Variants in DCPS observed in about 807,000 individuals in gnomAD.
The protein encoded by DCPS is decapping enzyme, scavenger, also known as m7GpppX diphosphatase.
In DCPS, 27 loss-of-function variants were observed where a neutral mutation model predicts 34.7. The observed-to-expected ratio is 0.78, with a 90% CI of 0.57 to 1.07. The LOEUF is 1.07. Among genes scored for constraint, DCPS ranks in the 50% least tolerant of loss-of-function variants. DCPS has a pLI of 0.00. For missense variants in DCPS, 464 were observed against 436.9 expected, an observed-to-expected ratio of 1.06 and a Z score of -0.55; for synonymous variants, 185 against 185.7, an observed-to-expected ratio of 1.00 and a Z score of 0.03.
Position 126,327,383 on chromosome 11 carries a change from G to A in DCPS, c.377-4022G>A, listed in dbSNP as rs541569254. Among the ~76,000 whole-genome samples, 10 of 152,346 alleles carry A rather than the reference G, an allele frequency of 6.6e-5. No homozygotes were observed. Among genetic ancestry groups the A allele is most frequent in the East Asian group, 5.8e-4 (3 of 5,192 alleles). On this transcript the variant is annotated intron_variant, in intron 2 of 5. Coordinates refer to ENST00000263579, the MANE Select transcript of DCPS (RefSeq NM_014026.6). The surrounding 1 kb of genome is among the most constrained non-coding windows in gnomAD (Gnocchi z 4.1). ...TGATCAGGAGGCACATGATGTCGGC[G>A]TGCCCAGCAGGGGTGACGGTGACGC...
rs559485598 is a variant in DCPS, at chr11:126,346,460, G to A, written c.*847G>A. Among the ~76,000 whole-genome samples, 1 of 152,376 alleles carries A rather than the reference G, an allele frequency of 6.6e-6. No homozygotes were observed. The highest frequency in any genetic ancestry group is 2.4e-5 in the African/African-American group (1 of 41,590). On this transcript the variant is annotated 3_prime_UTR_variant, in exon 6 of 6. Transcript: ENST00000263579. The surrounding 1 kb of genome is among the most constrained non-coding windows in gnomAD (Gnocchi z 4.1). ...GATGTTCAGAGGATCTTGAGACCAG[G>A]AAGGGACCTCAAAGCGTCAGAGGCT...
Position 126,325,454 on chromosome 11 carries a change from C to T in DCPS, c.377-5951C>T, listed in dbSNP as rs956333135. ...GGGATGGTAAAAAGAGATAAATTCTCATCTTCCTTAATGAGAAGTCAGTAA... is the reference window on the plus strand; with the variant it reads ...GGGATGGTAAAAAGAGATAAATTCTTATCTTCCTTAATGAGAAGTCAGTAA... On this transcript the variant is annotated intron_variant, in intron 2 of 5. Transcript: ENST00000263579. This position sits in a 1 kb window ranked among gnomAD's most constrained non-coding sequence, Gnocchi z 4.3. Among the ~76,000 whole-genome samples, 1 of 152,090 alleles carries T rather than the reference C, an allele frequency of 6.6e-6. No individual in the cohort carries two copies. Among genetic ancestry groups the T allele is most frequent in the Non-Finnish European group, 1.5e-5 (1 of 68,024 alleles).
rs185666508 is a variant in DCPS, at chr11:126,323,074, C to G, written c.377-8331C>G. Among the ~76,000 whole-genome samples, 404 of 152,202 alleles carry G rather than the reference C, an allele frequency of 2.7e-3. No individual in the cohort carries two copies. The highest frequency in any genetic ancestry group is 9.3e-3 in the African/African-American group (388 of 41,532). ...ACTCCTGGGCTCAATAGATTTCCCC[C>G]CTGTTTCAGCCTCCCAAAGTGTTGG... On this transcript the variant is annotated intron_variant, in intron 2 of 5. Transcript: ENST00000263579. The surrounding 1 kb of genome is among the most constrained non-coding windows in gnomAD (Gnocchi z 4.4).
At chr11:126,316,952 G>A (rs990732881) in intron 2 of DCPS, among the ~76,000 whole-genome samples, 2 of 129,392 alleles carry the variant, frequency 1.5e-5, no homozygotes, top group Admixed American at 9.2e-5. Flanking sequence ...CACCATGCCC[G>A]GCCTCTTTTT....
In DCPS at chr11:126,308,997, G is replaced by T. The variant is rs920779948; in HGVS notation, c.376+2253G>T. Among the ~76,000 whole-genome samples, 9 of 149,128 alleles carry T rather than the reference G, an allele frequency of 6.0e-5. No individual in the cohort carries two copies. The East Asian group carries it at 1.8e-3, about 29-fold the overall frequency. On this transcript the variant is annotated intron_variant, in intron 2 of 5. Coordinates refer to ENST00000263579, the MANE Select transcript of DCPS (RefSeq NM_014026.6). ...CCCCACCCACCTGGGAGCCTCAGAT[G>T]TTAGTTCATCTTTTCTTTTCCTGCC...
chr11:126,321,474 G>A (rs906583441), intron 2 of DCPS, among the ~76,000 whole-genome samples: 3 of 152,088 alleles, frequency 2.0e-5, no homozygotes, highest in Admixed American at 6.5e-5. Context: ...CTCCATATGT[G>A]CAATTGGAAG....
At chr11:126,314,106 A>C (rs1262968092) in intron 2 of DCPS, among the ~76,000 whole-genome samples, 1 of 152,204 alleles carries the variant, frequency 6.6e-6, no homozygotes, top group Non-Finnish European at 1.5e-5. Flanking sequence ...TGGCTGGGCC[A>C]GCCGCTTTTC....
rs551740873 is a variant in DCPS at position 126,329,490 on chromosome 11, A to G, written c.377-1915A>G. On this transcript the variant is annotated intron_variant, in intron 2 of 5. Transcript: ENST00000263579. The surrounding 1 kb of genome is among the most constrained non-coding windows in gnomAD (Gnocchi z 5.0). ...TGTGGCCAGCCTGGGGCCAGTGGCC[A>G]TGTCTTCCCACTGTGCTGCTGTGCC... 6.6e-6 allele frequency among the ~76,000 whole-genome samples: 1 copy of G among 152,308 alleles called. No homozygotes were observed. The highest frequency in any genetic ancestry group is 2.4e-5 in the African/African-American group (1 of 41,558).
Position 126,343,332 on chromosome 11 carries a change from T to C in DCPS, c.662T>C (p.Ile221Thr), listed in dbSNP as rs945246433. Residue 221 changes from isoleucine to threonine, a missense_variant, in exon 5 of 6, where the codon ATC becomes ACC. Coordinates refer to ENST00000263579, the MANE Select transcript of DCPS (RefSeq NM_014026.6). ...CTCGATGACTTGTACTTGATCGCCATCTGCCATCGCCGGGGCATCAGATCC... is the reference window on the plus strand; with the variant it reads ...CTCGATGACTTGTACTTGATCGCCACCTGCCATCGCCGGGGCATCAGATCC... ...QQLDDLYLIA[I>T]CHRRGIRSLR... The C allele has an allele frequency of 1.1e-5, 17 of 1,613,802 alleles. No individual in the cohort carries two copies. Among genetic ancestry groups the C allele is most frequent in the Admixed American group, 1.0e-4 (6 of 59,976 alleles).
At chr11:126,308,056 A>T (rs1028751759) in intron 2 of DCPS, among the ~76,000 whole-genome samples, 1 of 152,192 alleles carries the variant, frequency 6.6e-6, no homozygotes, top group African/African-American at 2.4e-5. Context: ...GGGGGATGGG[A>T]GAGAAGGGCA....
Position 126,343,343 on chromosome 11 carries a change from CG to C in DCPS, c.677del (p.Gly226AlafsTer33). The C allele has an allele frequency of 6.2e-7, 1 of 1,613,982 alleles. No homozygotes were observed. Among genetic ancestry groups the C allele is most frequent in the Non-Finnish European group, 8.5e-7 (1 of 1,179,950 alleles). On this transcript the variant is annotated frameshift_variant, in exon 5 of 6. Transcript: ENST00000263579. LOFTEE classifies it high-confidence loss of function. ...GTACTTGATCGCCATCTGCCATCGCCGGGGCATCAGATCCCTACGCGACCTT... is the reference window on the plus strand; with the variant it reads ...GTACTTGATCGCCATCTGCCATCGCCGGGCATCAGATCCCTACGCGACCTT... Reference protein sequence around the residue: ...DLYLIAICHRRGIRSLRDLTP... With the variant: ...DLYLIAICHRXGIRSLRDLTP...
In DCPS at chr11:126,346,294, C is replaced by G. The variant is rs1021357460; in HGVS notation, c.*681C>G. On this transcript the variant is annotated 3_prime_UTR_variant, in exon 6 of 6. Transcript: ENST00000263579. The surrounding 1 kb of genome is among the most constrained non-coding windows in gnomAD (Gnocchi z 4.1). ...CGAGTCCCCAGCCTTGAGTTTTTAT[C>G]TCGGCAGGAAGACAAAACAGACTCA... 6.6e-6 allele frequency among the ~76,000 whole-genome samples: 1 copy of G among 152,180 alleles called. No homozygotes were observed. Among genetic ancestry groups the G allele is most frequent in the Non-Finnish European group, 1.5e-5 (1 of 68,032 alleles).
chr11:126,341,390 G>A (rs999773960), intron 4 of DCPS: 6 of 152,230 alleles, frequency 3.9e-5, no homozygotes, highest in African/African-American at 1.2e-4. Flanking sequence ...TTCTCTGAGC[G>A]AGGAGGCCTT....
rs1181356853 is a variant in DCPS, at chr11:126,342,887, G to A, written c.637-420G>A. ...GAAGTCAGGAGTTTGAGACCAGCCT[G>A]GCCAATATGGTGAAACCCCATCTCT... On this transcript the variant is annotated intron_variant, in intron 4 of 5. Coordinates refer to ENST00000263579, the MANE Select transcript of DCPS (RefSeq NM_014026.6). The surrounding 1 kb of genome is among the most constrained non-coding windows in gnomAD (Gnocchi z 4.4). Among the ~76,000 whole-genome samples the A allele has an allele frequency of 2.0e-5, 3 of 151,986 alleles. No individual in the cohort carries two copies. The highest frequency in any genetic ancestry group is 7.3e-5 in the African/African-American group (3 of 41,370).
At position 126,348,161 on chromosome 11, in the gene DCPS, C is replaced by T. The variant is rs1452272791; in HGVS notation, c.*2548C>T. Among the ~76,000 whole-genome samples the T allele has an allele frequency of 1.3e-5, 2 of 152,194 alleles. No homozygotes were observed. The highest frequency in any genetic ancestry group is 2.9e-5 in the Non-Finnish European group (2 of 68,040). On this transcript the variant is annotated 3_prime_UTR_variant, in exon 6 of 6. Transcript: ENST00000263579. The surrounding 1 kb of genome is among the most constrained non-coding windows in gnomAD (Gnocchi z 5.3). ...GGACAGACGAGGCTGGCAGTCACAG[C>T]AGAGGGCAGGCACTCAGGTCTGGAG... is the stretch of plus-strand genomic sequence containing the variant.
chr11:126,342,608 T>G lies in DCPS; in HGVS notation c.637-699T>G, dbSNP rs1357896752. On this transcript the variant is annotated intron_variant, in intron 4 of 5. Transcript: ENST00000263579. This position sits in a 1 kb window ranked among gnomAD's most constrained non-coding sequence, Gnocchi z 4.4. The stretch of plus-strand genomic sequence containing the variant: ...TGCCTTCTCTTCCAGGAGGCCTTCC[T>G]GGGTTCATCCAGGTAGCTAGAGTCT... Among the ~76,000 whole-genome samples, 1 of 152,216 alleles carries G rather than the reference T, an allele frequency of 6.6e-6. No homozygotes were observed. The highest frequency in any genetic ancestry group is 1.9e-4 in the East Asian group (1 of 5,192).
In DCPS at chr11:126,343,318, G is replaced by A; in HGVS notation, c.648G>A (p.Leu216=). The A allele has an allele frequency of 6.2e-7, 1 of 1,613,572 alleles. No homozygotes were observed. The highest frequency in any genetic ancestry group is 8.5e-7 in the Non-Finnish European group (1 of 1,179,830). The stretch of plus-strand genomic sequence containing the variant: ...TGCTCTCTACGCAGCTCGATGACTT[G>A]TACTTGATCGCCATCTGCCATCGCC... ...LKWNQQQLDD[L]YLIAICHRRG... is the part of the protein sequence containing the mutation. Residue 216 remains leucine, a synonymous_variant, in exon 5 of 6, where the codon TTG becomes TTA. Transcript: ENST00000263579.
chr11:126,349,451 C>T lies in DCPS; in HGVS notation c.*3838C>T, dbSNP rs1042216776. Among the ~76,000 whole-genome samples, 4 of 152,198 alleles carry T rather than the reference C, an allele frequency of 2.6e-5. No individual in the cohort carries two copies. Among genetic ancestry groups the T allele is most frequent in the Non-Finnish European group, 4.4e-5 (3 of 68,030 alleles). ...AGTTGGAGGCATGACTGCTATTGTT[C>T]CTTGGCTTCTCTCCATTTGTCTCAA... is the stretch of plus-strand genomic sequence containing the variant. On this transcript the variant is annotated 3_prime_UTR_variant, in exon 6 of 6. Coordinates refer to ENST00000263579, the MANE Select transcript of DCPS (RefSeq NM_014026.6). This position sits in a 1 kb window ranked among gnomAD's most constrained non-coding sequence, Gnocchi z 5.4.
At position 126,343,345 on chromosome 11, in the gene DCPS, G is replaced by T. The variant is rs533944342; in HGVS notation, c.675G>T (p.Arg225=). Residue 225 remains arginine, a synonymous_variant, in exon 5 of 6, where the codon CGG becomes CGT. Coordinates refer to ENST00000263579, the MANE Select transcript of DCPS (RefSeq NM_014026.6). ...DLYLIAICHR[R]GIRSLRDLTP... is the part of the protein sequence containing the mutation. ...ACTTGATCGCCATCTGCCATCGCCG[G>T]GGCATCAGATCCCTACGCGACCTTA... The T allele has an allele frequency of 2.2e-5, 36 of 1,613,950 alleles. No homozygotes were observed. In the Middle Eastern group the frequency reaches 4.9e-4, roughly 22 times the overall value.
Sources: gnomAD v4.1 joint callset for allele counts (sites outside exome capture counted in the v4.1 genomes callset) on GRCh38, gnomAD v4.1.1 for gene constraint, Gnocchi (gnomAD v3.1) non-coding constraint, MANE v1.5 for transcripts, NCBI Gene and HGNC (gene_info 2026-07-23, HGNC 2026-07-21) for gene names.